Variants in PPP2R2B observed in about 807,000 individuals in gnomAD.
PPP2R2B encodes protein phosphatase 2 regulatory subunit Bbeta.
PPP2R2B carries 5 observed loss-of-function variants against 46.0 expected under a neutral mutation model. The observed-to-expected ratio is 0.11, with a 90% CI of 0.06 to 0.23. The LOEUF (loss-of-function observed/expected upper bound fraction) is 0.23, where lower values mean the gene tolerates loss of function less well. Among genes scored for constraint, PPP2R2B ranks in the 10% least tolerant of loss-of-function variants. The pLI is 1.00. For synonymous variants in PPP2R2B, 215 were observed against 206.7 expected, an observed-to-expected ratio of 1.04 and a Z score of -0.34; for missense variants, 367 against 575.0, an observed-to-expected ratio of 0.64 and a Z score of 3.70.
chr5:146,813,273 T>A (rs1017212491), intron 2 of PPP2R2B, among the ~76,000 whole-genome samples: 6 of 151,828 alleles, frequency 4.0e-5, no homozygotes, highest in African/African-American at 1.5e-4. Context: ...CACACATACC[T>A]CACATACCAA....
intron 2 of PPP2R2B, among the ~76,000 whole-genome samples, chr5:146,772,958 G>A (rs1418727146): frequency 6.6e-6 from 1 of 152,182 alleles, no homozygotes; most frequent in East Asian, 1.9e-4. Flanking sequence ...TAAAGGACAA[G>A]ACTTAAGCTT....
chr5:146,894,909 G>A (rs1474075878), intron 1 of PPP2R2B, among the ~76,000 whole-genome samples: 1 of 152,202 alleles, frequency 6.6e-6, no homozygotes, highest in Non-Finnish European at 1.5e-5. Flanking sequence ...TTTGGGGCCA[G>A]GGCTATACCT....
chr5:146,780,036 A>G (rs1457806311), intron 2 of PPP2R2B, among the ~76,000 whole-genome samples: 1 of 152,206 alleles, frequency 6.6e-6, no homozygotes, highest in Non-Finnish European at 1.5e-5. Context: ...TAGAAACACA[A>G]AATTGCAAAA....
intron 5 of PPP2R2B, among the ~76,000 whole-genome samples, chr5:146,672,953 G>C (rs541931293): frequency 7.2e-5 from 11 of 152,294 alleles, no homozygotes; most frequent in Non-Finnish European, 1.3e-4. Flanking sequence ...ATATAGGGAG[G>C]CATTTTTATT....
At chr5:147,069,455 A>G (rs185564689) in intron 2 of PPP2R2B, among the ~76,000 whole-genome samples, 4 of 152,174 alleles carry the variant, frequency 2.6e-5, no homozygotes, top group African/African-American at 7.2e-5. Flanking sequence ...AATAAAACAC[A>G]ATTATTTACC....
intron 2 of PPP2R2B, among the ~76,000 whole-genome samples, chr5:146,817,654 G>T (rs1758009511): frequency 6.6e-6 from 1 of 152,122 alleles, no homozygotes; most frequent in African/African-American, 2.4e-5. Flanking sequence ...ACATAGGCTT[G>T]TTGTAAAATA....
chr5:146,864,642 C>T (rs766319441), intron 2 of PPP2R2B, among the ~76,000 whole-genome samples: 15 of 152,142 alleles, frequency 9.9e-5, no homozygotes, highest in Non-Finnish European at 1.9e-4. Flanking sequence ...GCAACTGAAT[C>T]CCAGGGTACA....
At chr5:146,607,441 C>T (rs1772399541) in intron 7 of PPP2R2B, among the ~76,000 whole-genome samples, 1 of 152,194 alleles carries the variant, frequency 6.6e-6, no homozygotes, top group Admixed American at 6.5e-5. Flanking sequence ...TTGCAGTTTG[C>T]TTTTCATATA....
At chr5:147,001,043 AC>A (rs1754147923) in intron 1 of PPP2R2B, among the ~76,000 whole-genome samples, 1 of 152,142 alleles carries the variant, frequency 6.6e-6, no homozygotes, top group Non-Finnish European at 1.5e-5. Context: ...GACTTGGAGA[AC>A]TTTTCTGTCT....
chr5:146,831,572 A>G (rs149978859), intron 2 of PPP2R2B, among the ~76,000 whole-genome samples: 34 of 149,958 alleles, frequency 2.3e-4, no homozygotes, highest in African/African-American at 6.1e-4. Flanking sequence ...ACATTTACCT[A>G]TGTAACAAAC....
At chr5:146,706,429 G>T in intron 2 of PPP2R2B, 1 of 976,892 alleles carries the variant, frequency 1.0e-6, no homozygotes, top group Non-Finnish European at 1.6e-6. Context: ...GGATACTCAT[G>T]TTCTCCATCT....
intron 2 of PPP2R2B, among the ~76,000 whole-genome samples, chr5:146,836,512 C>G (rs1381985753): frequency 6.6e-6 from 1 of 152,172 alleles, no homozygotes; most frequent in Admixed American, 6.6e-5. Flanking sequence ...GGCTCAGCTC[C>G]TAAAAGAGTG....
At chr5:146,912,238 C>CAAAAAAAAA (rs35127306) in intron 1 of PPP2R2B, among the ~76,000 whole-genome samples, 4 of 56,594 alleles carry the variant, frequency 7.1e-5, no homozygotes, top group African/African-American at 2.7e-4. Context: ...GGCTCCGTCT[C>CAAAAAAAAA]AAAAAAAAAA....
chr5:147,060,481 A>T (rs1288307027), upstream of PPP2R2B, among the ~76,000 whole-genome samples: 1 of 152,088 alleles, frequency 6.6e-6, no homozygotes, highest in African/African-American at 2.4e-5. Context: ...ACAGAAAATT[A>T]TCCAGGTGTG....
chr5:146,770,838 C>T (rs1754808768), intron 2 of PPP2R2B, among the ~76,000 whole-genome samples: 1 of 152,122 alleles, frequency 6.6e-6, no homozygotes, highest in Non-Finnish European at 1.5e-5. Context: ...CTCAATGAGG[C>T]TCAAGCAGTT....
At chr5:147,003,441 G>T (rs1276789705) in intron 1 of PPP2R2B, among the ~76,000 whole-genome samples, 1 of 152,274 alleles carries the variant, frequency 6.6e-6, no homozygotes, top group African/African-American at 2.4e-5. Flanking sequence ...GTTTTCAGAT[G>T]ATCCTGATAG....
intron 2 of PPP2R2B, among the ~76,000 whole-genome samples, chr5:146,719,640 G>A (rs1321939708): frequency 6.6e-6 from 1 of 152,104 alleles, no homozygotes; most frequent in Non-Finnish European, 1.5e-5. Flanking sequence ...AGATAAGGCA[G>A]AGCAAGGCTC....
chr5:146,857,316 C>T (rs926177030), intron 2 of PPP2R2B, among the ~76,000 whole-genome samples: 1 of 151,962 alleles, frequency 6.6e-6, no homozygotes, highest in South Asian at 2.1e-4. Context: ...AAGAAATATT[C>T]AAAATAAACG....
Position 146,736,516 on chromosome 5 carries a change from A to C in PPP2R2B, c.71-35374T>G, listed in dbSNP as rs1752547863. On this transcript the variant is annotated intron_variant, in intron 2 of 9. Transcript: ENST00000394411. The stretch of plus-strand genomic sequence containing the variant: ...TCGTGCAGGAAGAAATGATGCTGAC[A>C]TCCAAACCTCATATGTCTAAAGCCC... Among the ~76,000 whole-genome samples, 3 of 152,174 alleles carry C rather than the reference A, an allele frequency of 2.0e-5. No homozygotes were observed. The South Asian group carries it at 6.2e-4, about 32-fold the overall frequency.
Sources: gnomAD v4.1 joint callset for allele counts (sites outside exome capture counted in the v4.1 genomes callset) on GRCh38, gnomAD v4.1.1 for gene constraint, MANE v1.5 for transcripts, NCBI Gene and HGNC (gene_info 2026-07-23, HGNC 2026-07-21) for gene names.